GAS7: variants seen among roughly 807,000 people sequenced by gnomAD.
GAS7 encodes the protein growth arrest-specific protein 7.
Under a neutral mutation model 71.1 loss-of-function variants are expected in GAS7, and 28 were observed. That is an observed-to-expected ratio of 0.39 (90% confidence interval 0.29 to 0.54). The LOEUF (loss-of-function observed/expected upper bound fraction) is 0.54. Ranked by LOEUF, GAS7 falls within the 20% of genes least tolerant of loss-of-function variation. The pLI, the probability that GAS7 is intolerant of heterozygous loss-of-function variation, is 0.62. For missense variants in GAS7, 436 were observed against 627.8 expected (o/e 0.69, Z 3.27); for synonymous variants, 258 against 245.8 (o/e 1.05, Z -0.46).
At chr17:10,096,943 C>T (rs561016264) in intron 1 of GAS7, among the ~76,000 whole-genome samples, 1 of 152,260 alleles carries the variant, frequency 6.6e-6, no homozygotes, top group East Asian at 1.9e-4. Flanking sequence ...CCTTCCTTCC[C>T]TCATCATCTC....
chr17:9,954,695 A>G (rs3786107), intron 5 of GAS7, among the ~76,000 whole-genome samples: 34,021 of 152,040 alleles, frequency 0.22, 8,638 homozygotes, highest in African/African-American at 0.63. Context: ...GGATGCTATT[A>G]GCCTCTGGTT....
intron 1 of GAS7, among the ~76,000 whole-genome samples, chr17:10,121,262 T>C (rs1470475547): frequency 6.6e-6 from 1 of 152,126 alleles, no homozygotes; most frequent in East Asian, 1.9e-4. Context: ...GCACCTGTAG[T>C]CCCAGCGACT....
chr17:9,989,080 A>T (rs1186340835), intron 2 of GAS7, among the ~76,000 whole-genome samples: 3 of 151,906 alleles, frequency 2.0e-5, no homozygotes, highest in Non-Finnish European at 4.4e-5. Flanking sequence ...CGATCTCCTG[A>T]CCTCATGATC....
At chr17:10,128,537 A>G (rs2073969784) in intron 1 of GAS7, among the ~76,000 whole-genome samples, 1 of 152,152 alleles carries the variant, frequency 6.6e-6, no homozygotes, top group Non-Finnish European at 1.5e-5. Context: ...CAGAACATAA[A>G]ACCCAGCATT....
At chr17:10,152,066 AGG>A (rs2074170675) in intron 1 of GAS7, among the ~76,000 whole-genome samples, 49 of 152,202 alleles carry the variant, frequency 3.2e-4, no homozygotes, top group Admixed American at 3.0e-3. Flanking sequence ...GCCTGGTTCC[AGG>A]GACTCACACA....
chr17:9,940,377 A>G (rs1327306329), intron 7 of GAS7, among the ~76,000 whole-genome samples, 177 bp from the exon 8 acceptor site: 3 of 152,176 alleles, frequency 2.0e-5, no homozygotes, highest in African/African-American at 7.2e-5. Context: ...TACTTGTTGG[A>G]TAAATGAATG....
chr17:10,059,910 G>T (rs2073200499), intron 1 of GAS7: 2 of 636,026 alleles, frequency 3.1e-6, no homozygotes, highest in African/African-American at 2.0e-5. Flanking sequence ...GAAGTATTCT[G>T]CAATCGGGAA....
chr17:9,997,247 T>TGGGGGC (rs2071084684), intron 2 of GAS7, among the ~76,000 whole-genome samples: 1 of 6,900 alleles, frequency 1.4e-4, no homozygotes, highest in Admixed American at 1.1e-3. Context: ...GCCGGGCGGG[T>TGGGGGC]GGGGGCGGGG....
At chr17:10,100,952 G>A (rs2073692660) in intron 1 of GAS7, among the ~76,000 whole-genome samples, 1 of 152,086 alleles carries the variant, frequency 6.6e-6, no homozygotes, top group South Asian at 2.1e-4. Flanking sequence ...TAACAAATTT[G>A]CCCAAAAATT....
chr17:10,017,407 C>A (rs1244384139), intron 2 of GAS7, among the ~76,000 whole-genome samples: 1 of 151,746 alleles, frequency 6.6e-6, no homozygotes, highest in Non-Finnish European at 1.5e-5. Context: ...CGGCTCACTG[C>A]AACTTCCACC....
intron 1 of GAS7, among the ~76,000 whole-genome samples, chr17:10,044,750 G>A (rs942674080): frequency 3.3e-5 from 5 of 152,112 alleles, no homozygotes; most frequent in Non-Finnish European, 7.4e-5. Flanking sequence ...TTGTCTGAGG[G>A]TCAACTGTAG....
chr17:9,935,332 T>A (rs2152084742), intron 8 of GAS7, among the ~76,000 whole-genome samples: 1 of 152,238 alleles, frequency 6.6e-6, no homozygotes, highest in East Asian at 1.9e-4. Flanking sequence ...GTAGAAGAAA[T>A]CTCCTGAAGT....
At chr17:10,171,277 C>T (rs965228665) in intron 1 of GAS7, among the ~76,000 whole-genome samples, 1 of 152,194 alleles carries the variant, frequency 6.6e-6, no homozygotes, top group Non-Finnish European at 1.5e-5. Context: ...CCCCTCCTGC[C>T]AGACCCAGTC....
Position 10,144,862 on chromosome 17 carries a change from TA to T in GAS7, c.183+53345del, listed in dbSNP as rs112904693. Among the ~76,000 whole-genome samples, 1,263 of 151,328 alleles carry T rather than the reference TA, an allele frequency of 8.3e-3. 17 individuals are homozygous for T. Among genetic ancestry groups the T allele is most frequent in the South Asian group, 0.069 (326 of 4,756 alleles). On this transcript the variant is annotated intron_variant, in intron 1 of 13. Transcript: ENST00000432992. ...TGCGCCTGGCCAGTTGTTACATTTCTAAAAAAAAAGTCTTTTATGTCTTTGA... is the reference window on the plus strand; with the variant it reads ...TGCGCCTGGCCAGTTGTTACATTTCTAAAAAAAAGTCTTTTATGTCTTTGA...
At chr17:9,945,714 T>C (rs1223530350) in intron 6 of GAS7, among the ~76,000 whole-genome samples, 1 of 152,008 alleles carries the variant, frequency 6.6e-6, no homozygotes, top group Non-Finnish European at 1.5e-5. Context: ...CTCATGCCTG[T>C]AATCCCAGCA....
At chr17:10,074,343 T>C (rs1423470455) in intron 1 of GAS7, among the ~76,000 whole-genome samples, 2 of 152,188 alleles carry the variant, frequency 1.3e-5, no homozygotes, top group Non-Finnish European at 2.9e-5. Context: ...CTTAGGTGGT[T>C]ACACTGACAT....
chr17:10,162,911 G>A (rs1272703921), intron 1 of GAS7, among the ~76,000 whole-genome samples: 3 of 152,044 alleles, frequency 2.0e-5, no homozygotes, highest in Admixed American at 6.6e-5. Flanking sequence ...AAAGGCTCTG[G>A]GGCTAAATCA....
intron 1 of GAS7, chr17:10,036,578 C>T (rs985489287): frequency 4.4e-5 from 67 of 1,524,984 alleles, no homozygotes; most frequent in Non-Finnish European, 5.2e-5. Flanking sequence ...TGAGGCAAGT[C>T]GCTAGCCCAG....
intron 1 of GAS7, among the ~76,000 whole-genome samples, chr17:10,128,612 G>A (rs775447319): frequency 1.3e-5 from 2 of 150,524 alleles, no homozygotes; most frequent in Admixed American, 6.6e-5. Flanking sequence ...ATAAGTGATC[G>A]TTTTGCTTTT....
Sources: gnomAD v4.1 joint callset for allele counts (sites outside exome capture counted in the v4.1 genomes callset) on GRCh38, gnomAD v4.1.1 for gene constraint, MANE v1.5 for transcripts, NCBI Gene and HGNC (gene_info 2026-07-23, HGNC 2026-07-21) for gene names.